CACHD1: variants seen among roughly 807,000 people sequenced by gnomAD.
CACHD1 encodes the protein cache domain containing 1.
A neutral mutation model predicts 138.7 loss-of-function variants in CACHD1; 71 were observed. That is an observed-to-expected ratio of 0.51 (90% CI 0.42 to 0.62). The LOEUF (loss-of-function observed/expected upper bound fraction) is 0.62, where lower values mean the gene tolerates loss of function less well. Ranked by LOEUF, CACHD1 falls within the 20% of genes least tolerant of loss-of-function variation. The pLI, the probability that CACHD1 is intolerant of heterozygous loss-of-function variation, is 0.00. For missense variants in CACHD1, 1,389 were observed against 1,625.3 expected (o/e 0.85, Z 2.50); for synonymous variants, 578 against 591.5 (o/e 0.98, Z 0.33).
At chr1:64,550,485 AT>A (rs566463134) in intron 1 of CACHD1, 108 bp from the exon 2 acceptor site, 27 of 735,646 alleles carry the variant, frequency 3.7e-5, no homozygotes, top group South Asian at 1.0e-4. Context: ...TTTTAATTAA[AT>A]TTTTTTTCTA....
At chr1:64,625,826 G>T (rs978755996) in intron 4 of CACHD1, among the ~76,000 whole-genome samples, 1 of 152,080 alleles carries the variant, frequency 6.6e-6, no homozygotes, top group African/African-American at 2.4e-5. Flanking sequence ...GCTCTATTCT[G>T]ATTTAAACAC....
chr1:64,516,155 A>G (rs1646457664), intron 1 of CACHD1, among the ~76,000 whole-genome samples: 1 of 152,230 alleles, frequency 6.6e-6, no homozygotes, highest in Non-Finnish European at 1.5e-5. Flanking sequence ...ACAAAGTAAC[A>G]TGGGTTCTTC....
At chr1:64,560,459 A>G (rs1344537406) in intron 2 of CACHD1, among the ~76,000 whole-genome samples, 1 of 151,936 alleles carries the variant, frequency 6.6e-6, no homozygotes, top group Admixed American at 6.6e-5. Context: ...TTAAATTTTG[A>G]CCCATGGATT....
intron 3 of CACHD1, among the ~76,000 whole-genome samples, chr1:64,591,585 G>T (rs1243180313): frequency 6.6e-6 from 1 of 152,152 alleles, no homozygotes; most frequent in African/African-American, 2.4e-5. Flanking sequence ...AATAAATATT[G>T]GTTGCTTGAA....
chr1:64,627,515 C>A lies in CACHD1; in HGVS notation c.518-1840C>A, dbSNP rs140345659. ...CTGAGTGCCAAGGAGACAGAGTAGA[C>A]CATCGTCTTACCTTCTTGGAGTTCA... On this transcript the variant is annotated intron_variant, in intron 4 of 26. Coordinates refer to ENST00000651257, the MANE Select transcript of CACHD1 (RefSeq NM_020925.4). Among the ~76,000 whole-genome samples, 36 of 152,196 alleles carry A rather than the reference C, an allele frequency of 2.4e-4. 1 individual carries two copies. The highest frequency in any genetic ancestry group is 6.8e-3 in the Middle Eastern group (2 of 294).
At chr1:64,526,372 C>T (rs1055951856) in intron 1 of CACHD1, among the ~76,000 whole-genome samples, 5 of 151,702 alleles carry the variant, frequency 3.3e-5, no homozygotes, top group African/African-American at 1.2e-4. Context: ...ATCTGTGGGG[C>T]CATTAGGACT....
At chr1:64,685,492 G>A (rs905269447) in intron 26 of CACHD1, among the ~76,000 whole-genome samples, 1 of 152,168 alleles carries the variant, frequency 6.6e-6, no homozygotes, top group African/African-American at 2.4e-5. Context: ...AGACAGCTTG[G>A]TGTAGAGGAA....
rs560804113 is a variant in CACHD1, at chr1:64,664,813, A to G, written c.2276+134A>G. 3.5e-5 allele frequency: 27 copies of G among 773,844 alleles called. No individual in the cohort carries two copies. The Admixed American group carries it at 3.8e-4, about 11-fold the overall frequency. The allele number at this position is 773,844 out of a possible 1,614,324, so 47.9% of individuals were successfully genotyped here. A position where few individuals can be genotyped will look rare whatever the true frequency, so the allele number is the denominator to read the frequency against. On this transcript the variant is annotated intron_variant, in intron 15 of 26. Transcript: ENST00000651257. Reference sequence around the variant, plus strand: ...TTCATGGTGGTGAAAAATGTTCCTGAATAGTTTTTTCAGTGCAGCATTAAC... The same window carrying G: ...TTCATGGTGGTGAAAAATGTTCCTGGATAGTTTTTTCAGTGCAGCATTAAC...
rs573541402 is a variant in CACHD1, at chr1:64,626,722, C to T, written c.518-2633C>T. Among the ~76,000 whole-genome samples the T allele has an allele frequency of 2.7e-4, 41 of 152,274 alleles. No homozygotes were observed. The South Asian group carries it at 6.4e-3, about 24-fold the overall frequency. On this transcript the variant is annotated intron_variant, in intron 4 of 26. Coordinates refer to ENST00000651257, the MANE Select transcript of CACHD1 (RefSeq NM_020925.4). ...AAAGTCCACCATACTTTGTAGAAGGCGCCTAGCATAATGCCTAGAGGGTCA... is the reference window on the plus strand; with the variant it reads ...AAAGTCCACCATACTTTGTAGAAGGTGCCTAGCATAATGCCTAGAGGGTCA...
At position 64,691,590 on chromosome 1, in the gene CACHD1, G is replaced by A. The variant is rs767545374; in HGVS notation, c.*29G>A. On this transcript the variant is annotated 3_prime_UTR_variant, in exon 27 of 27. Transcript: ENST00000651257. ...TCTCCTCACCTCCACGCCAAGATGA[G>A]ATCTGGGAGCTACAGAATGTTCTGG... The A allele has an allele frequency of 3.2e-6, 5 of 1,582,324 alleles. No homozygotes were observed. Among genetic ancestry groups the A allele is most frequent in the Non-Finnish European group, 4.3e-6 (5 of 1,151,448 alleles).
In CACHD1 at chr1:64,673,194, G is replaced by A. The variant is rs140440940; in HGVS notation, c.2547G>A (p.Ala849=). 36 of 1,613,560 alleles carry A rather than the reference G, an allele frequency of 2.2e-5. No individual in the cohort carries two copies. In the Middle Eastern group the frequency reaches 5.1e-4, roughly 23 times the overall value. Residue 849 remains alanine, a synonymous_variant, in exon 18 of 27, where the codon GCG becomes GCA. Transcript: ENST00000651257. ...FIMEDRGYLV[A]HPTLIDPKGH... is the part of the protein sequence containing the mutation. ...TGGAGGACAGGGGTTATCTGGTGGC[G>A]CACCCGACTCTCATCGACCCCAAAG...
At chr1:64,510,698 T>G (rs539230101) in intron 1 of CACHD1, among the ~76,000 whole-genome samples, 9 of 152,330 alleles carry the variant, frequency 5.9e-5, no homozygotes, top group African/African-American at 2.2e-4. Context: ...ATTATTCAGT[T>G]TTGCACAATT....
At chr1:64,539,513 G>T (rs1646661074) in intron 1 of CACHD1, among the ~76,000 whole-genome samples, 1 of 152,078 alleles carries the variant, frequency 6.6e-6, no homozygotes, top group African/African-American at 2.4e-5. Flanking sequence ...CATAATTATT[G>T]GCTTCAGGGC....
At chr1:64,613,446 C>G (rs1647600036) in intron 4 of CACHD1, 1 of 151,990 alleles carries the variant, frequency 6.6e-6, no homozygotes, top group Non-Finnish European at 1.5e-5. Flanking sequence ...AAACCAAAAA[C>G]TTCGTGTGAC....
chr1:64,646,260 T>C (rs1213153940), intron 8 of CACHD1, among the ~76,000 whole-genome samples: 1 of 152,176 alleles, frequency 6.6e-6, no homozygotes, highest in Admixed American at 6.5e-5. Flanking sequence ...AATCGTGTCT[T>C]TGGTGTTAAC....
chr1:64,526,076 AGATGATGGT>A lies in CACHD1; in HGVS notation c.199-24515_199-24507del, dbSNP rs1280002930. 5.3e-5 allele frequency among the ~76,000 whole-genome samples: 8 copies of A among 152,358 alleles called. No homozygotes were observed. In the South Asian group the frequency reaches 1.0e-3, roughly 20 times the overall value. ...TGTCAGCTTCCTGGGATTTAGGGTC[AGATGATGGT>A]GAGTTTGAGCTCAACCCCTTTTGGA... On this transcript the variant is annotated intron_variant, in intron 1 of 26. Coordinates refer to ENST00000651257, the MANE Select transcript of CACHD1 (RefSeq NM_020925.4).
chr1:64,494,428 C>T lies in CACHD1; in HGVS notation c.198+23486C>T, dbSNP rs116499196. On this transcript the variant is annotated intron_variant, in intron 1 of 26. Transcript: ENST00000651257. ...AAATCAAGCTGTGTTAGTGACATAT[C>T]TCCAGCAGTTGTCACGGACGAGATT... 2.9e-3 allele frequency among the ~76,000 whole-genome samples: 449 copies of T among 152,286 alleles called. 1 individual carries two copies. Among genetic ancestry groups the T allele is most frequent in the Non-Finnish European group, 5.3e-3 (362 of 68,028 alleles).
At chr1:64,569,196 C>T (rs1415878319) in intron 2 of CACHD1, among the ~76,000 whole-genome samples, 1 of 152,180 alleles carries the variant, frequency 6.6e-6, no homozygotes, top group Non-Finnish European at 1.5e-5. Context: ...GCTGGGATTA[C>T]AGGCATGAGC....
intron 8 of CACHD1, among the ~76,000 whole-genome samples, chr1:64,647,291 A>T (rs775379410): frequency 5.3e-5 from 8 of 152,230 alleles, no homozygotes; most frequent in Non-Finnish European, 1.2e-4. Context: ...AGGCATCAGT[A>T]AATGCAATCC....
Sources: allele counts gnomAD v4.1 joint callset (sites outside exome capture counted in the v4.1 genomes callset), GRCh38; gene constraint gnomAD v4.1.1; transcripts MANE v1.5; gene names NCBI Gene and HGNC (gene_info 2026-07-23, HGNC 2026-07-21).